The following ULK4 variants were observed in gnomAD, a reference collection of about 807,000 sequenced individuals.
The protein encoded by ULK4 is inactive serine/threonine-protein kinase ULK4.
Under a neutral mutation model 160.6 loss-of-function variants are expected in ULK4, and 133 were observed. The observed-to-expected ratio is 0.83, with a 90% CI of 0.72 to 0.96. The LOEUF (loss-of-function observed/expected upper bound fraction) is 0.96. Among genes scored for constraint, ULK4 ranks in the 40% least tolerant of loss-of-function variants. The pLI, the probability that ULK4 is intolerant of heterozygous loss-of-function variation, is 0.00. For missense variants in ULK4, 1,580 were observed against 1,499.5 expected (o/e 1.05, Z -0.89); for synonymous variants, 534 against 539.8 (o/e 0.99, Z 0.15).
In ULK4 at chr3:41,941,071, A is replaced by G. The variant is rs13063771; in HGVS notation, c.139-2874T>C. Among the ~76,000 whole-genome samples, 1,463 of 148,786 alleles carry G rather than the reference A, an allele frequency of 9.8e-3. 57 individuals carry two copies. Among genetic ancestry groups the G allele is most frequent in the East Asian group, 0.074 (373 of 5,060 alleles). On this transcript the variant is annotated intron_variant, in intron 2 of 36. Coordinates refer to ENST00000301831, the MANE Select transcript of ULK4 (RefSeq NM_017886.4). ...TTTTTTTGAAACAAGGTCTCACTCT[A>G]TACCCAGGCTGGAGCACAGTGGCAC...
intron 35 of ULK4, among the ~76,000 whole-genome samples, chr3:41,320,523 G>T (rs1559522842): frequency 6.6e-6 from 1 of 152,168 alleles, no homozygotes; most frequent in Admixed American, 6.5e-5. Flanking sequence ...AACCTAGGCT[G>T]GCCACGGGGA....
At chr3:41,775,842 T>C (rs1221073365) in intron 21 of ULK4, among the ~76,000 whole-genome samples, 1 of 151,044 alleles carries the variant, frequency 6.6e-6, no homozygotes, top group Non-Finnish European at 1.5e-5. Flanking sequence ...ATGTTAATTC[T>C]TTTCAATCTA....
Position 41,357,617 on chromosome 3 carries a change from C to T in ULK4, c.3678+40462G>A, listed in dbSNP as rs111982968. ...TCTGTGTTTGCTCACTGCCATTTGTCGCACACCTAGTGCAGAGCCTAGCAC... is the reference window on the plus strand; with the variant it reads ...TCTGTGTTTGCTCACTGCCATTTGTTGCACACCTAGTGCAGAGCCTAGCAC... On this transcript the variant is annotated intron_variant, in intron 35 of 36. Coordinates refer to ENST00000301831, the MANE Select transcript of ULK4 (RefSeq NM_017886.4). Among the ~76,000 whole-genome samples, 1,083 of 152,274 alleles carry T rather than the reference C, an allele frequency of 7.1e-3. 11 individuals are homozygous for T. Among genetic ancestry groups the T allele is most frequent in the African/African-American group, 0.025 (1,031 of 41,554 alleles).
At chr3:41,952,423 C>A (rs1211219921) in intron 2 of ULK4, among the ~76,000 whole-genome samples, 1 of 152,134 alleles carries the variant, frequency 6.6e-6, no homozygotes, top group Non-Finnish European at 1.5e-5. Flanking sequence ...ATAGACATTT[C>A]TCCAAAGGAG....
chr3:41,386,892 T>C (rs1484450210), intron 35 of ULK4, among the ~76,000 whole-genome samples: 1 of 152,132 alleles, frequency 6.6e-6, no homozygotes, highest in East Asian at 1.9e-4. Context: ...ATGGTAAAGA[T>C]CTGTATATTT....
intron 17 of ULK4, among the ~76,000 whole-genome samples, chr3:41,838,250 T>A (rs1240997247): frequency 6.6e-6 from 1 of 152,328 alleles, no homozygotes; most frequent in African/African-American, 2.4e-5. Context: ...GATTTCTTAC[T>A]GCTATTAAGT....
At chr3:41,868,540 T>C (rs929784023) in intron 17 of ULK4, among the ~76,000 whole-genome samples, 3 of 152,184 alleles carry the variant, frequency 2.0e-5, no homozygotes, top group African/African-American at 7.2e-5. Flanking sequence ...CAGGCTGGAG[T>C]GCAGTAGTGG....
intron 27 of ULK4, among the ~76,000 whole-genome samples, chr3:41,700,754 T>C (rs879560691): frequency 6.6e-6 from 1 of 152,176 alleles, no homozygotes; most frequent in Non-Finnish European, 1.5e-5. Flanking sequence ...AGACAAAAGA[T>C]GACTTTCATA....
intron 6 of ULK4, among the ~76,000 whole-genome samples, chr3:41,918,823 A>T (rs180741706): frequency 9.9e-5 from 15 of 151,998 alleles, no homozygotes; most frequent in Non-Finnish European, 1.5e-5. Context: ...GGATGGTCTC[A>T]ATCTCCTGAC....
intron 35 of ULK4, among the ~76,000 whole-genome samples, chr3:41,318,865 C>A (rs916850292): frequency 2.6e-5 from 4 of 152,128 alleles, no homozygotes. Flanking sequence ...CAGTGATGCC[C>A]CTTTATAACC....
intron 34 of ULK4, among the ~76,000 whole-genome samples, chr3:41,405,094 C>T (rs1424231284): frequency 6.6e-6 from 1 of 152,094 alleles, no homozygotes; most frequent in Non-Finnish European, 1.5e-5. Context: ...GAATATAGCA[C>T]TCAATAGTTA....
intron 11 of ULK4, 21 bp downstream of exon 11, chr3:41,911,296 C>T (rs1161318444): frequency 6.2e-7 from 1 of 1,612,082 alleles, no homozygotes; most frequent in East Asian, 2.2e-5. Flanking sequence ...GCACTGATCC[C>T]TCTTTTTTCA....
intron 35 of ULK4, among the ~76,000 whole-genome samples, chr3:41,290,051 T>A (rs1446359501): frequency 1.3e-5 from 2 of 152,088 alleles, no homozygotes; most frequent in Non-Finnish European, 2.9e-5. Flanking sequence ...AATTTTGTAT[T>A]TTTAGGAGAG....
At chr3:41,377,282 C>T (rs1017663568) in intron 35 of ULK4, among the ~76,000 whole-genome samples, 1 of 152,142 alleles carries the variant, frequency 6.6e-6, no homozygotes, top group African/African-American at 2.4e-5. Flanking sequence ...TAGAAGAAAA[C>T]CTAGGCATTA....
intron 35 of ULK4, among the ~76,000 whole-genome samples, chr3:41,261,780 G>C (rs1232609604): frequency 6.6e-6 from 1 of 152,212 alleles, no homozygotes; most frequent in Non-Finnish European, 1.5e-5. Context: ...GTACTGTCCA[G>C]TAAGCTGTTC....
chr3:41,256,054 G>A (rs964690016), intron 35 of ULK4, among the ~76,000 whole-genome samples: 1 of 152,024 alleles, frequency 6.6e-6, no homozygotes, highest in Admixed American at 6.6e-5. Flanking sequence ...AAATGCTGAC[G>A]AAAGAAAATA....
At chr3:41,358,861 G>C (rs540388401) in intron 35 of ULK4, among the ~76,000 whole-genome samples, 2 of 152,160 alleles carry the variant, frequency 1.3e-5, no homozygotes, top group Admixed American at 1.3e-4. Flanking sequence ...GAACTGGGGT[G>C]GGGGTGAGGG....
rs562911221 is a variant in ULK4 at position 41,354,287 on chromosome 3, T to G, written c.3678+43792A>C. Reference sequence around the variant, plus strand: ...CTGAGCAGGGGCTATGTTGATATCATGAACTCATGGAGAGGGGCCTTATGA... The same window carrying G: ...CTGAGCAGGGGCTATGTTGATATCAGGAACTCATGGAGAGGGGCCTTATGA... On this transcript the variant is annotated intron_variant, in intron 35 of 36. Transcript: ENST00000301831. 2.6e-5 allele frequency among the ~76,000 whole-genome samples: 4 copies of G among 152,314 alleles called. No individual in the cohort carries two copies. In the East Asian group the frequency reaches 7.7e-4, roughly 29 times the overall value.
chr3:41,634,112 T>C (rs2033858201), intron 30 of ULK4, among the ~76,000 whole-genome samples: 1 of 152,226 alleles, frequency 6.6e-6, no homozygotes, highest in Non-Finnish European at 1.5e-5. Flanking sequence ...TGTGGCTGTT[T>C]ACACTGTGCC....
Sources: allele counts gnomAD v4.1 joint callset (sites outside exome capture counted in the v4.1 genomes callset), GRCh38; gene constraint gnomAD v4.1.1; transcripts MANE v1.5; gene names NCBI Gene and HGNC (gene_info 2026-07-23, HGNC 2026-07-21).